The following TCF12 variants were observed in gnomAD, a reference collection of about 807,000 sequenced individuals.
The protein encoded by TCF12 is DNA-binding protein HTF4.
A neutral mutation model predicts 86.0 loss-of-function variants in TCF12; 45 were observed. That is an observed-to-expected ratio of 0.52 (90% CI 0.41 to 0.67). TCF12 has a LOEUF of 0.67. Ranked by LOEUF, TCF12 falls within the 30% of genes least tolerant of loss-of-function variation. The probability of loss-of-function intolerance (pLI) is 0.00; values close to 1 mark genes in which losing one functional copy is unlikely to be tolerated. For missense variants in TCF12, 881 were observed against 859.9 expected, an observed-to-expected ratio of 1.02 and a Z score of -0.31; for synonymous variants, 330 against 299.6, an observed-to-expected ratio of 1.10 and a Z score of -1.05.
chr15:57,093,018 A>C (rs1433014482), intron 5 of TCF12, among the ~76,000 whole-genome samples: 2 of 152,190 alleles, frequency 1.3e-5, no homozygotes, highest in African/African-American at 4.8e-5. Flanking sequence ...ATTTTGCCGA[A>C]GGCGGTTGAC....
chr15:57,241,912 A>C (rs916407828), intron 12 of TCF12, among the ~76,000 whole-genome samples: 1 of 121,694 alleles, frequency 8.2e-6, no homozygotes, highest in African/African-American at 2.5e-5. Context: ...AAATCACTTG[A>C]ACCTTGTAGG....
At chr15:57,185,819 C>A (rs1266271548) in intron 6 of TCF12, among the ~76,000 whole-genome samples, 1 of 152,132 alleles carries the variant, frequency 6.6e-6, no homozygotes, top group Non-Finnish European at 1.5e-5. Flanking sequence ...AAGGTTGAGG[C>A]TGCAGTGAGC....
intron 4 of TCF12, among the ~76,000 whole-genome samples, chr15:57,075,788 TTCTTTCTTTCTTTCTTTC>T (rs1352724744): frequency 7.2e-5 from 3 of 41,834 alleles, no homozygotes; most frequent in South Asian, 1.1e-3. Context: ...CTTTCTTTCT[TTCTTTCTTTCTTTCTTTC>T]TCTCTCTCTC....
intron 3 of TCF12, among the ~76,000 whole-genome samples, chr15:56,978,809 C>A (rs944822840): frequency 5.3e-5 from 8 of 152,134 alleles, no homozygotes; most frequent in African/African-American, 1.9e-4. Context: ...GCAGGCCCAA[C>A]TAAAAAGCCC....
At chr15:57,125,521 A>C (rs938853599) in intron 5 of TCF12, among the ~76,000 whole-genome samples, 1 of 152,254 alleles carries the variant, frequency 6.6e-6, no homozygotes, top group Non-Finnish European at 1.5e-5. Context: ...AAGTTATTAC[A>C]TATTAGCCTT....
intron 5 of TCF12, among the ~76,000 whole-genome samples, chr15:57,093,991 C>T (rs1039949266): frequency 9.2e-5 from 14 of 152,188 alleles, no homozygotes; most frequent in African/African-American, 3.4e-4. Flanking sequence ...TGATGACTCA[C>T]TACAGCCTTG....
chr15:57,149,240 T>G (rs573662900), intron 5 of TCF12, among the ~76,000 whole-genome samples: 16 of 152,322 alleles, frequency 1.1e-4, no homozygotes, highest in African/African-American at 3.8e-4. Flanking sequence ...TGGTTATCTG[T>G]AGCATATATT....
intron 4 of TCF12, among the ~76,000 whole-genome samples, chr15:57,081,073 T>A (rs1262418417): frequency 6.6e-6 from 1 of 152,236 alleles, no homozygotes; most frequent in African/African-American, 2.4e-5. Context: ...CCAAACAGTT[T>A]ACTAAAGCTC....
intron 4 of TCF12, chr15:57,072,705 G>T: frequency 7.7e-7 from 1 of 1,306,388 alleles, no homozygotes; most frequent in Non-Finnish European, 1.0e-6. Flanking sequence ...AGAAGGGTCA[G>T]AGAATTAAAG....
chr15:57,124,083 G>A (rs1314122611), intron 5 of TCF12, among the ~76,000 whole-genome samples: 1 of 151,728 alleles, frequency 6.6e-6, no homozygotes, highest in African/African-American at 2.4e-5. Context: ...CCAAAGTGCT[G>A]GGATTATAGA....
At chr15:56,995,106 A>T (rs1376098120) in intron 3 of TCF12, among the ~76,000 whole-genome samples, 1 of 152,012 alleles carries the variant, frequency 6.6e-6, no homozygotes, top group Non-Finnish European at 1.5e-5. Context: ...CCCTAGAGCC[A>T]CTACTTACAA....
At chr15:57,250,907 A>C (rs1338175163) in intron 13 of TCF12, among the ~76,000 whole-genome samples, 1 of 151,744 alleles carries the variant, frequency 6.6e-6, no homozygotes, top group Non-Finnish European at 1.5e-5. Context: ...AAAAAAAAAG[A>C]AAAAGAAGAA....
intron 3 of TCF12, among the ~76,000 whole-genome samples, chr15:56,988,215 C>T (rs546044556): frequency 1.4e-4 from 22 of 152,148 alleles, no homozygotes; most frequent in African/African-American, 4.1e-4. Flanking sequence ...AAGTTGTAAG[C>T]AATTAGTTAT....
chr15:57,002,827 T>A (rs533715920), intron 3 of TCF12, among the ~76,000 whole-genome samples: 1 of 152,336 alleles, frequency 6.6e-6, no homozygotes, highest in East Asian at 1.9e-4. Flanking sequence ...TTGCAGGTAA[T>A]GATTGATTCA....
chr15:56,998,610 T>G (rs2063842055), intron 3 of TCF12, among the ~76,000 whole-genome samples: 1 of 152,114 alleles, frequency 6.6e-6, no homozygotes, highest in Non-Finnish European at 1.5e-5. Flanking sequence ...TTCAAAATTC[T>G]TTTCTTAGGA....
intron 3 of TCF12, among the ~76,000 whole-genome samples, chr15:56,924,786 T>C (rs2059931642): frequency 6.6e-6 from 1 of 152,138 alleles, no homozygotes; most frequent in Admixed American, 6.5e-5. Context: ...AGGTAAAAGG[T>C]AGCAAGGGAG....
At chr15:57,270,388 A>G (rs1471308585) in intron 18 of TCF12, among the ~76,000 whole-genome samples, 2 of 152,036 alleles carry the variant, frequency 1.3e-5, no homozygotes, top group Non-Finnish European at 1.5e-5. Flanking sequence ...AAGTTGTCGT[A>G]TTGTGGTTTT....
At chr15:57,165,305 A>G (rs966647148) in intron 5 of TCF12, among the ~76,000 whole-genome samples, 3 of 152,216 alleles carry the variant, frequency 2.0e-5, no homozygotes, top group African/African-American at 4.8e-5. Context: ...TGCTCAAACT[A>G]GGGATCTGTT....
Position 57,270,531 on chromosome 15 carries a change from T to C in TCF12, c.1746-2499T>C, listed in dbSNP as rs574316783. On this transcript the variant is annotated intron_variant, in intron 18 of 20. Coordinates refer to ENST00000333725, the MANE Select transcript of TCF12 (RefSeq NM_207037.2). ...GCTTCTTTAGCTTGGAGAACAGCTT[T>C]CTTATTACCGACCTCCTGAAGCCTA... Among the ~76,000 whole-genome samples, 3 of 152,290 alleles carry C rather than the reference T, an allele frequency of 2.0e-5. No individual in the cohort carries two copies. In the East Asian group the frequency reaches 5.8e-4, roughly 29 times the overall value.
Sources: gnomAD v4.1 joint callset for allele counts (sites outside exome capture counted in the v4.1 genomes callset) on GRCh38, gnomAD v4.1.1 for gene constraint, MANE v1.5 for transcripts, NCBI Gene and HGNC (gene_info 2026-07-23, HGNC 2026-07-21) for gene names.